Variants in AK7 observed in about 807,000 individuals in gnomAD.
The protein encoded by AK7 is ATP-AMP transphosphorylase 7.
AK7 carries 78 observed loss-of-function variants against 96.6 expected under a neutral mutation model. That is an observed-to-expected ratio of 0.81 (90% CI 0.67 to 0.97). The LOEUF (loss-of-function observed/expected upper bound fraction) is 0.97, where lower values mean the gene tolerates loss of function less well. AK7 is among the 50% of genes least tolerant of loss of function. The pLI is 0.00. For missense variants in AK7, 855 were observed against 887.9 expected (o/e 0.96, Z 0.47); for synonymous variants, 302 against 317.2 (o/e 0.95, Z 0.51).
At chr14:96,417,195 C>G (rs2140029444) in intron 4 of AK7, among the ~76,000 whole-genome samples, 1 of 152,344 alleles carries the variant, frequency 6.6e-6, no homozygotes, top group Admixed American at 6.5e-5. Flanking sequence ...GCTGACTACA[C>G]AGTTTCCAGA....
At chr14:96,461,082 G>C (rs1894225582) in intron 12 of AK7, among the ~76,000 whole-genome samples, 1 of 152,238 alleles carries the variant, frequency 6.6e-6, no homozygotes, top group Non-Finnish European at 1.5e-5. Context: ...AGAGGGGAAA[G>C]GAGTGCCCAG....
At chr14:96,475,581 G>A (rs1424704557) in intron 14 of AK7, among the ~76,000 whole-genome samples, 23 of 152,162 alleles carry the variant, frequency 1.5e-4, no homozygotes, top group Admixed American at 1.5e-3. Context: ...GGCTTGCATA[G>A]GAGGGGCATT....
chr14:96,486,844 T>C, intron 16 of AK7, 54 bp from the exon 17 acceptor site: 1 of 1,522,912 alleles, frequency 6.6e-7, no homozygotes, highest in Non-Finnish European at 9.1e-7. Context: ...ACTGTGTGAG[T>C]GTTCTCCCCT....
intron 9 of AK7, among the ~76,000 whole-genome samples, chr14:96,450,574 A>C (rs997549921): frequency 5.9e-5 from 9 of 151,886 alleles, no homozygotes; most frequent in African/African-American, 2.2e-4. Context: ...CACAACAAAA[A>C]AAAAAAAATA....
chr14:96,428,427 T>C (rs2140060714), intron 5 of AK7, among the ~76,000 whole-genome samples: 1 of 152,350 alleles, frequency 6.6e-6, no homozygotes, highest in South Asian at 2.1e-4. Context: ...TAAACATATG[T>C]GTGCATGTGT....
intron 2 of AK7, among the ~76,000 whole-genome samples, 154 bp from the exon 3 acceptor site, chr14:96,404,603 T>C (rs1890599593): frequency 6.6e-6 from 1 of 152,184 alleles, no homozygotes; most frequent in Non-Finnish European, 1.5e-5. Flanking sequence ...CAGAAGAGAG[T>C]CACAATTTCA....
intron 5 of AK7, among the ~76,000 whole-genome samples, chr14:96,432,357 C>CT (rs1337762640): frequency 6.6e-6 from 1 of 152,068 alleles, no homozygotes; most frequent in Non-Finnish European, 1.5e-5. Flanking sequence ...CAGTCTGTGT[C>CT]TTTTAATTGG....
chr14:96,423,368 A>G (rs1457694591), intron 5 of AK7, among the ~76,000 whole-genome samples: 2 of 152,180 alleles, frequency 1.3e-5, no homozygotes, highest in East Asian at 3.8e-4. Flanking sequence ...GCTTTGCTCT[A>G]TTACTGTAGA....
chr14:96,464,544 C>A (rs1314505104), intron 12 of AK7, among the ~76,000 whole-genome samples: 25 of 57,676 alleles, frequency 4.3e-4, no homozygotes, highest in Non-Finnish European at 5.2e-4. Flanking sequence ...GACCCTGTCC[C>A]AAAAAAAAAA....
At chr14:96,477,853 C>A (rs530080710) in intron 14 of AK7, among the ~76,000 whole-genome samples, 54 of 152,292 alleles carry the variant, frequency 3.5e-4, no homozygotes, top group African/African-American at 1.2e-3. Context: ...GTAGCCATAG[C>A]TCTCTTTGGA....
intron 5 of AK7, among the ~76,000 whole-genome samples, chr14:96,432,055 T>C (rs1450260001): frequency 1.3e-5 from 2 of 152,166 alleles, no homozygotes; most frequent in Non-Finnish European, 2.9e-5. Flanking sequence ...TTAAAGTCTG[T>C]TTTATCAGTA....
intron 12 of AK7, among the ~76,000 whole-genome samples, 171 bp downstream of exon 12, chr14:96,458,383 G>T (rs1372151174): frequency 6.6e-6 from 1 of 151,986 alleles, no homozygotes; most frequent in Non-Finnish European, 1.5e-5. Context: ...ATCACTTGAG[G>T]CCAGGAGTTT....
chr14:96,430,998 T>A (rs1341010289), intron 5 of AK7, among the ~76,000 whole-genome samples: 2 of 152,182 alleles, frequency 1.3e-5, no homozygotes, highest in Non-Finnish European at 2.9e-5. Context: ...TGGTTTAGTC[T>A]TGGGAGGGTG....
chr14:96,470,108 G>A (rs1358189896), intron 12 of AK7, among the ~76,000 whole-genome samples: 3 of 152,024 alleles, frequency 2.0e-5, no homozygotes, highest in African/African-American at 7.3e-5. Context: ...GTGAGCCACC[G>A]CGCCCGCCCG....
rs749320608 is a variant in AK7 at position 96,471,465 on chromosome 14, G to GT, written c.1358-6dup. The GT allele has an allele frequency of 1.4e-5, 19 of 1,330,940 alleles. No homozygotes were observed. The highest frequency in any genetic ancestry group is 2.8e-5 in the South Asian group (2 of 71,506). The allele number at this position is 1,330,940 out of a possible 1,614,324, so 82.4% of individuals were successfully genotyped here. On this transcript the variant is annotated splice_polypyrimidine_tract_variant and intron_variant, in intron 12 of 17. Transcript: ENST00000267584. The stretch of plus-strand genomic sequence containing the variant: ...CATTATAAGTAATATATACATATAT[G>GT]TTTTTTTATCAGGTCAACTAGACGA...
chr14:96,396,342 A>G (rs949078004), intron 1 of AK7, among the ~76,000 whole-genome samples: 1 of 152,232 alleles, frequency 6.6e-6, no homozygotes, highest in Non-Finnish European at 1.5e-5. Context: ...TGAGGAATAT[A>G]AGAGAAATGG....
At chr14:96,471,115 T>C (rs917014446) in intron 12 of AK7, among the ~76,000 whole-genome samples, 13 of 152,058 alleles carry the variant, frequency 8.5e-5, no homozygotes, top group African/African-American at 3.1e-4. Flanking sequence ...GAGGATTGCT[T>C]GAGGCCAGGA....
At chr14:96,428,122 C>A (rs1348574763) in intron 5 of AK7, among the ~76,000 whole-genome samples, 1 of 152,148 alleles carries the variant, frequency 6.6e-6, no homozygotes, top group Non-Finnish European at 1.5e-5. Flanking sequence ...CATCCCCCCA[C>A]CTTACGACAG....
At chr14:96,457,420 T>C (rs1275788411) in intron 11 of AK7, among the ~76,000 whole-genome samples, 1 of 152,192 alleles carries the variant, frequency 6.6e-6, no homozygotes, top group Non-Finnish European at 1.5e-5. Context: ...CTTTTTTTAG[T>C]TTTATAATAA....
Sources: allele counts gnomAD v4.1 joint callset (sites outside exome capture counted in the v4.1 genomes callset), GRCh38; gene constraint gnomAD v4.1.1; transcripts MANE v1.5; gene names NCBI Gene and HGNC (gene_info 2026-07-23, HGNC 2026-07-21).